GNA13: variants seen among roughly 807,000 people sequenced by gnomAD.
GNA13 encodes guanine nucleotide-binding protein subunit alpha-13.
A neutral mutation model predicts 33.5 loss-of-function variants in GNA13; 4 were observed. The ratio of observed to expected loss-of-function variants is 0.12; its 90% CI spans 0.06 to 0.27. The LOEUF (loss-of-function observed/expected upper bound fraction) is 0.27, where lower values mean the gene tolerates loss of function less well. GNA13 is among the 10% of genes least tolerant of loss of function. The pLI is 1.00. For synonymous variants in GNA13, 176 were observed against 183.8 expected, an observed-to-expected ratio of 0.96 and a Z score of 0.34; for missense variants, 319 against 487.2, an observed-to-expected ratio of 0.65 and a Z score of 3.25.
At chr17:65,055,164 TC>T (rs763109437) in intron 1 of GNA13, among the ~76,000 whole-genome samples, 1 of 151,972 alleles carries the variant, frequency 6.6e-6, no homozygotes, top group Non-Finnish European at 1.5e-5. Context: ...CCTAAACTGC[TC>T]CCCAGATAAA....
intron 2 of GNA13, among the ~76,000 whole-genome samples, chr17:65,043,186 C>T (rs1907526303): frequency 6.6e-6 from 1 of 152,172 alleles, no homozygotes; most frequent in Non-Finnish European, 1.5e-5. Context: ...CACTTTATCC[C>T]ACAGCATGGC....
At chr17:65,050,540 G>A in intron 2 of GNA13, among the ~76,000 whole-genome samples, 1 of 152,128 alleles carries the variant, frequency 6.6e-6, no homozygotes, top group East Asian at 1.9e-4. Context: ...ACCAGCACTG[G>A]CAACATAGCA....
Position 65,056,674 on chromosome 17 carries a change from G to A in GNA13, c.-81C>T, listed in dbSNP as rs561824308. ...TCCGGCGGCGGGCGGCTCCGGCACC[G>A]AGGCTCGAGGGCGGGGAGCGCGGCG... On this transcript the variant is annotated 5_prime_UTR_variant, in exon 1 of 4. Transcript: ENST00000439174. The A allele has an allele frequency of 1.7e-5, 19 of 1,109,896 alleles. 1 individual carries two copies. The South Asian group carries it at 1.9e-4, about 11-fold the overall frequency. 68.8% of individuals were successfully genotyped at this position (1,109,896 alleles called of 1,614,324 possible).
At chr17:65,032,069 T>C (rs559235746) in intron 2 of GNA13, among the ~76,000 whole-genome samples, 5 of 152,262 alleles carry the variant, frequency 3.3e-5, no homozygotes, top group Admixed American at 6.5e-5. Context: ...GAGCTGTTCA[T>C]TGTAACAGTA....
chr17:65,044,288 A>T (rs114634382), intron 2 of GNA13, among the ~76,000 whole-genome samples: 34 of 152,322 alleles, frequency 2.2e-4, no homozygotes, highest in African/African-American at 7.9e-4. Flanking sequence ...TTCTTGATTC[A>T]TATCAGCTCA....
At chr17:65,030,467 A>G (rs1277939594) in intron 2 of GNA13, among the ~76,000 whole-genome samples, 1 of 152,248 alleles carries the variant, frequency 6.6e-6, no homozygotes, top group African/African-American at 2.4e-5. Flanking sequence ...AATGTTAGGT[A>G]ATAATATGCA....
chr17:65,039,027 T>C (rs1907363620), intron 2 of GNA13, among the ~76,000 whole-genome samples: 1 of 152,176 alleles, frequency 6.6e-6, no homozygotes, highest in Non-Finnish European at 1.5e-5. Context: ...ACTGTCTGTA[T>C]GCCCAAACTA....
chr17:65,032,854 T>C (rs554744066), intron 2 of GNA13, among the ~76,000 whole-genome samples: 1 of 152,274 alleles, frequency 6.6e-6, no homozygotes, highest in Non-Finnish European at 1.5e-5. Context: ...CTCATGTCTG[T>C]AATCCCAGCA....
At chr17:65,045,730 CA>C (rs1199569283) in intron 2 of GNA13, among the ~76,000 whole-genome samples, 1 of 152,020 alleles carries the variant, frequency 6.6e-6, no homozygotes, top group Non-Finnish European at 1.5e-5. Flanking sequence ...AGAAATGGTA[CA>C]AGGATATTAG....
intron 1 of GNA13, chr17:65,055,466 G>T: frequency 4.2e-6 from 1 of 240,596 alleles, no homozygotes; most frequent in Non-Finnish European, 6.7e-6. Context: ...TGACTTTTAG[G>T]CCAGTCTTCT....
chr17:65,031,673 A>G (rs1907017114), intron 2 of GNA13, among the ~76,000 whole-genome samples: 1 of 152,176 alleles, frequency 6.6e-6, no homozygotes, highest in Admixed American at 6.5e-5. Context: ...TGTTTTCTAA[A>G]TATTTATTAG....
rs1491571298 is a variant in GNA13, at chr17:65,037,777, GGA to G, written c.510+15723_510+15724del. ...AGAGAGACCCAGCCTCTACAAAAAT[GGA>G]AAAAAAAAAAAAAAAAAAAAAGACA... On this transcript the variant is annotated intron_variant, in intron 2 of 3. Coordinates refer to ENST00000439174, the MANE Select transcript of GNA13 (RefSeq NM_006572.6). Among the ~76,000 whole-genome samples, 7 of 82,042 alleles carry G rather than the reference GGA, an allele frequency of 8.5e-5. 1 individual carries two copies. Among genetic ancestry groups the G allele is most frequent in the East Asian group, 7.8e-4 (2 of 2,562 alleles). The allele number at this position is 82,042 out of a possible 152,430, so 53.8% of individuals were successfully genotyped here.
At chr17:65,024,702 G>C (rs1044420894) in intron 2 of GNA13, among the ~76,000 whole-genome samples, 1 of 152,146 alleles carries the variant, frequency 6.6e-6, no homozygotes, top group Non-Finnish European at 1.5e-5. Context: ...AGCAAGTTCC[G>C]AGAGAAGTGA....
chr17:65,028,441 A>G (rs1906884670), intron 2 of GNA13, among the ~76,000 whole-genome samples: 1 of 151,438 alleles, frequency 6.6e-6, no homozygotes, highest in Non-Finnish European at 1.5e-5. Context: ...CACCTACCAT[A>G]TAAGGAAGAA....
At chr17:65,032,802 T>C (rs1239611154) in intron 2 of GNA13, among the ~76,000 whole-genome samples, 1 of 14,928 alleles carries the variant, frequency 6.7e-5, no homozygotes, top group Non-Finnish European at 4.2e-4. Context: ...TGACTTCATT[T>C]TTCTCTGGAA....
At chr17:65,056,197 C>T in intron 1 of GNA13, 114 bp downstream of exon 1, 3 of 870,204 alleles carry the variant, frequency 3.4e-6, no homozygotes, top group Non-Finnish European at 4.8e-6. Flanking sequence ...GCCCGCCCGC[C>T]GGGCCCGTTC....
rs959945243 is a variant in GNA13 at position 65,013,856 on chromosome 17, A to C, written c.*401T>G. 4.2e-6 allele frequency: 1 copy of C among 235,658 alleles called. No homozygotes were observed. Among genetic ancestry groups the C allele is most frequent in the African/African-American group, 2.2e-5 (1 of 45,020 alleles). 14.6% of individuals were successfully genotyped at this position (235,658 alleles called of 1,614,324 possible). On this transcript the variant is annotated 3_prime_UTR_variant, in exon 4 of 4. Transcript: ENST00000439174. ...CTGCTATATGTAAGGCGGACAGAAG[A>C]TATCTTGTTTTGGAACTGAATATTC...
Position 65,034,465 on chromosome 17 carries a change from A to G in GNA13, c.511-16162T>C, listed in dbSNP as rs145468084. Among the ~76,000 whole-genome samples the G allele has an allele frequency of 6.3e-3, 959 of 151,806 alleles. 7 individuals carry two copies. Among genetic ancestry groups the G allele is most frequent in the Non-Finnish European group, 0.011 (752 of 67,944 alleles). On this transcript the variant is annotated intron_variant, in intron 2 of 3. Coordinates refer to ENST00000439174, the MANE Select transcript of GNA13 (RefSeq NM_006572.6). ...AGACACCCGCCACCACGCCCAGCTAATTTTTTGTATTTTTAGTAGAGACGG... is the reference window on the plus strand; with the variant it reads ...AGACACCCGCCACCACGCCCAGCTAGTTTTTTGTATTTTTAGTAGAGACGG...
intron 2 of GNA13, among the ~76,000 whole-genome samples, chr17:65,048,372 A>C (rs1255249135): frequency 6.6e-6 from 1 of 152,198 alleles, no homozygotes; most frequent in South Asian, 2.1e-4. Flanking sequence ...TTGTCACATA[A>C]GAAGGTTTTC....
Sources: gnomAD v4.1 joint callset for allele counts (sites outside exome capture counted in the v4.1 genomes callset) on GRCh38, gnomAD v4.1.1 for gene constraint, MANE v1.5 for transcripts, NCBI Gene and HGNC (gene_info 2026-07-23, HGNC 2026-07-21) for gene names.